Variants in CSMD1 observed in about 807,000 individuals in gnomAD.
The protein encoded by CSMD1 is CUB and Sushi multiple domains 1, also known as CUB and sushi domain-containing protein 1.
Under a neutral mutation model 417.5 loss-of-function variants are expected in CSMD1, and 213 were observed. The observed-to-expected ratio is 0.51, with a 90% CI of 0.46 to 0.57. The LOEUF is 0.57. Among genes scored for constraint, CSMD1 ranks in the 20% least tolerant of loss-of-function variants. The probability of loss-of-function intolerance (pLI) is 0.00; values close to 1 mark genes in which losing one functional copy is unlikely to be tolerated. For synonymous variants in CSMD1, 2,862 were observed against 1,736.8 expected, an observed-to-expected ratio of 1.65 and a Z score of -16.11; for missense variants, 6,923 against 4,529.7, an observed-to-expected ratio of 1.53 and a Z score of -15.17.
chr8:4,838,104 TAAAGAA>T (rs1301048215), intron 1 of CSMD1, among the ~76,000 whole-genome samples: 1 of 152,026 alleles, frequency 6.6e-6, no homozygotes, highest in Non-Finnish European at 1.5e-5. Flanking sequence ...TTAGTGAGAA[TAAAGAA>T]AAACAGTAAA....
chr8:4,904,821 G>A (rs1805128588), intron 1 of CSMD1, among the ~76,000 whole-genome samples: 2 of 152,102 alleles, frequency 1.3e-5, no homozygotes, highest in African/African-American at 4.8e-5. Flanking sequence ...CAGAAAGTCT[G>A]GCATGAAGAT....
chr8:4,469,046 G>T (rs919465993), intron 2 of CSMD1, among the ~76,000 whole-genome samples: 21 of 152,290 alleles, frequency 1.4e-4, no homozygotes, highest in Admixed American at 3.3e-4. Context: ...CTCTCTAAAT[G>T]AAATTTTAAT....
intron 1 of CSMD1, chr8:4,787,741 C>T (rs1476124628): frequency 1.3e-6 from 2 of 1,587,652 alleles, no homozygotes; most frequent in East Asian, 2.2e-5. Context: ...GTCTGAGGAA[C>T]AGCTGATTGC....
chr8:3,986,058 T>C (rs1263224638), intron 5 of CSMD1, among the ~76,000 whole-genome samples: 3 of 152,086 alleles, frequency 2.0e-5, no homozygotes, highest in Non-Finnish European at 4.4e-5. Context: ...CTCTTCATTA[T>C]ATGAAGACCC....
At chr8:3,688,028 C>T (rs546613798) in intron 7 of CSMD1, among the ~76,000 whole-genome samples, 3 of 152,248 alleles carry the variant, frequency 2.0e-5, no homozygotes, top group East Asian at 1.9e-4. Flanking sequence ...TCAGCGTGAC[C>T]GAAATGGATT....
At chr8:4,547,766 T>C (rs1433147347) in intron 2 of CSMD1, among the ~76,000 whole-genome samples, 1 of 152,208 alleles carries the variant, frequency 6.6e-6, no homozygotes, top group Non-Finnish European at 1.5e-5. Context: ...TGAAAACTCT[T>C]GTACCCTGGA....
intron 23 of CSMD1, among the ~76,000 whole-genome samples, chr8:3,318,563 T>C (rs1805936061): frequency 6.6e-6 from 1 of 152,222 alleles, no homozygotes; most frequent in Non-Finnish European, 1.5e-5. Flanking sequence ...CACATACTTA[T>C]TAAGCGCTTA....
chr8:4,736,285 C>T (rs1281601503), intron 1 of CSMD1, among the ~76,000 whole-genome samples: 1 of 152,144 alleles, frequency 6.6e-6, no homozygotes, highest in Non-Finnish European at 1.5e-5. Context: ...TCACTGCACA[C>T]TCTGTTGTGT....
intron 3 of CSMD1, among the ~76,000 whole-genome samples, chr8:4,084,792 G>C (rs1257786335): frequency 4.5e-5 from 6 of 133,932 alleles, no homozygotes; most frequent in Admixed American, 8.9e-5. Context: ...TTCCATTCAA[G>C]TCCTGCTGAG....
rs940230050 is a variant in CSMD1 at position 4,214,061 on chromosome 8, A to G, written c.416-181962T>C. 5.9e-5 allele frequency among the ~76,000 whole-genome samples: 9 copies of G among 152,290 alleles called. No individual in the cohort carries two copies. The South Asian group carries it at 1.2e-3, about 21-fold the overall frequency. On this transcript the variant is annotated intron_variant, in intron 3 of 69. Transcript: ENST00000635120. ...AAGGAAAATGCAAAATGATCAATAA[A>G]TATCTGACCTACTGAATTATCCAGC... is the stretch of plus-strand genomic sequence containing the variant.
chr8:3,025,844 T>C (rs1809831102), intron 51 of CSMD1, among the ~76,000 whole-genome samples: 1 of 152,276 alleles, frequency 6.6e-6, no homozygotes, highest in Non-Finnish European at 1.5e-5. Flanking sequence ...GATATGTTAT[T>C]TTAAATTAAT....
At position 4,652,393 on chromosome 8, in the gene CSMD1, C is replaced by G. The variant is rs545613620; in HGVS notation, c.86-14835G>C. 4.2e-3 allele frequency among the ~76,000 whole-genome samples: 637 copies of G among 150,408 alleles called. 7 individuals carry two copies. Among genetic ancestry groups the G allele is most frequent in the African/African-American group, 0.015 (594 of 40,812 alleles). ...TGAGACTTCCATTCTGTTTTTTTGT[C>G]TGTTTCATTCTGCTTTGGGAGGAAG... On this transcript the variant is annotated intron_variant, in intron 1 of 69. Transcript: ENST00000635120.
intron 4 of CSMD1, among the ~76,000 whole-genome samples, chr8:4,006,066 G>C (rs1294266977): frequency 6.6e-6 from 1 of 152,208 alleles, no homozygotes; most frequent in African/African-American, 2.4e-5. Context: ...GAATGAGCTG[G>C]AGGAAGAGCA....
intron 3 of CSMD1, among the ~76,000 whole-genome samples, chr8:4,064,136 T>A (rs1202441080): frequency 6.6e-6 from 1 of 152,188 alleles, no homozygotes; most frequent in African/African-American, 2.4e-5. Context: ...TGTTTCTGCC[T>A]CTGATGTAAA....
Position 3,805,707 on chromosome 8 carries a change from C to T in CSMD1, c.819-51665G>A, listed in dbSNP as rs189094994. ...ACCATTGTGTTTCATTCTTTCCTAT[C>T]TTTCTTCTTTTTTTAATTCGAGAAT... On this transcript the variant is annotated intron_variant, in intron 5 of 69. Coordinates refer to ENST00000635120, the MANE Select transcript of CSMD1 (RefSeq NM_033225.6). Among the ~76,000 whole-genome samples, 3 of 152,170 alleles carry T rather than the reference C, an allele frequency of 2.0e-5. No homozygotes were observed. In the East Asian group the frequency reaches 5.8e-4, roughly 29 times the overall value.
At chr8:3,533,245 A>G (rs79630449) in intron 10 of CSMD1, among the ~76,000 whole-genome samples, 3,389 of 152,326 alleles carry the variant, frequency 0.022, 116 homozygotes, top group African/African-American at 0.077. Context: ...TTTATTGATA[A>G]GGATAGATTA....
intron 26 of CSMD1, among the ~76,000 whole-genome samples, chr8:3,275,067 C>G (rs973023376): frequency 4.6e-5 from 7 of 152,132 alleles, no homozygotes; most frequent in East Asian, 1.9e-4. Flanking sequence ...TGCCTGGTAC[C>G]TTTTGTTCCT....
intron 2 of CSMD1, among the ~76,000 whole-genome samples, chr8:4,462,820 G>A (rs1217668): frequency 0.81 from 123,470 of 152,130 alleles, 50,237 homozygotes; most frequent in Middle Eastern, 0.91. Context: ...CAAAAAAATT[G>A]ATAAATCATA....
At chr8:3,133,392 C>T (rs1817900830) in intron 41 of CSMD1, among the ~76,000 whole-genome samples, 1 of 152,224 alleles carries the variant, frequency 6.6e-6, no homozygotes, top group African/African-American at 2.4e-5. Flanking sequence ...TCCTCAGTCT[C>T]TCCTGAAAGA....
Sources: gnomAD v4.1 joint callset for allele counts (sites outside exome capture counted in the v4.1 genomes callset) on GRCh38, gnomAD v4.1.1 for gene constraint, MANE v1.5 for transcripts, NCBI Gene and HGNC (gene_info 2026-07-23, HGNC 2026-07-21) for gene names.